Variants in CCNT2 observed in about 807,000 individuals in gnomAD.
The protein encoded by CCNT2 is cyclin-T2.
In CCNT2, 18 loss-of-function variants were observed where a neutral mutation model predicts 70.0. That is an observed-to-expected ratio of 0.26 (90% CI 0.18 to 0.38). The LOEUF (loss-of-function observed/expected upper bound fraction) is 0.38. Ranked by LOEUF, CCNT2 falls within the 10% of genes least tolerant of loss-of-function variation. The pLI, the probability that CCNT2 is intolerant of heterozygous loss-of-function variation, is 1.00. For synonymous variants in CCNT2, 334 were observed against 313.3 expected (o/e 1.07, Z -0.70); for missense variants, 734 against 890.2 (o/e 0.82, Z 2.23).
chr2:134,940,735 A>G (rs11686171), intron 4 of CCNT2, among the ~76,000 whole-genome samples: 1 of 152,150 alleles, frequency 6.6e-6, no homozygotes, highest in Non-Finnish European at 1.5e-5. Context: ...GCATATTTTT[A>G]CCGTATTTAG....
In CCNT2 at chr2:134,936,956, A is replaced by T; in HGVS notation, c.356A>T (p.Asp119Val). ...ACLHPLEPLLDTKCDAYLQQT... is the reference protein window; with the variant it reads ...ACLHPLEPLLVTKCDAYLQQT... ...CTTCATCCTCTAGAGCCACTGCTGG[A>T]TACTAAATGTGATGTATGTAAATAC... Residue 119 changes from aspartate (D) to valine (V), a missense_variant, in exon 3 of 9, where the codon GAT becomes GTT. Transcript: ENST00000264157. 1 of 1,605,554 alleles carries T rather than the reference A, an allele frequency of 6.2e-7. No individual in the cohort carries two copies. Among genetic ancestry groups the T allele is most frequent in the Non-Finnish European group, 8.5e-7 (1 of 1,175,236 alleles).
At chr2:134,951,549 TAAAA>T (rs1271165853) in intron 7 of CCNT2, among the ~76,000 whole-genome samples, 1 of 151,070 alleles carries the variant, frequency 6.6e-6, no homozygotes, top group Non-Finnish European at 1.5e-5. Flanking sequence ...TTTTCCCCTT[TAAAA>T]AAAAAGTCTG....
chr2:134,918,944 G>C lies in CCNT2; in HGVS notation c.90G>C (p.Ala30=). The C allele has an allele frequency of 6.2e-7, 1 of 1,614,024 alleles. No homozygotes were observed. The highest frequency in any genetic ancestry group is 8.5e-7 in the Non-Finnish European group (1 of 1,179,966). ...CGAGCCGCCGCTGCGGAGTGGAGGCGGATAAAGAGCTCTCGTGCCGCCAGC... is the reference window on the plus strand; with the variant it reads ...CGAGCCGCCGCTGCGGAGTGGAGGCCGATAAAGAGCTCTCGTGCCGCCAGC... ...NTPSRRCGVE[A]DKELSCRQQA... The change falls in exon 1 of 9, where the codon GCG becomes GCC. Residue 30 remains alanine, a synonymous_variant. Coordinates refer to ENST00000264157, the MANE Select transcript of CCNT2 (RefSeq NM_058241.3).
rs1423571854 is a variant in CCNT2, at chr2:134,955,818, AAAAG to A, written c.*1174_*1177del. Reference sequence around the variant, plus strand: ...TCTTTTATATTCTAACAATAAATAAAAAAGAAAAGATTACTGACTGTGCATTGTA... The same window carrying A: ...TCTTTTATATTCTAACAATAAATAAAAAAAGATTACTGACTGTGCATTGTA... On this transcript the variant is annotated 3_prime_UTR_variant, in exon 9 of 9. Transcript: ENST00000264157. 6.1e-5 allele frequency: 6 copies of A among 97,634 alleles called. No homozygotes were observed. Among genetic ancestry groups the A allele is most frequent in the African/African-American group, 1.9e-4 (6 of 30,930 alleles). The allele number at this position is 97,634 out of a possible 1,614,324, so 6.0% of individuals were successfully genotyped here. A position where few individuals can be genotyped will look rare whatever the true frequency, so the allele number is the denominator to read the frequency against.
chr2:134,946,264 T>C, intron 6 of CCNT2, 118 bp downstream of exon 6: 1 of 1,313,404 alleles, frequency 7.6e-7, no homozygotes, highest in South Asian at 1.3e-5. Context: ...CCATCTACTG[T>C]GGTGGTACCT....
At chr2:134,939,491 A>G (rs1681409664) in intron 4 of CCNT2, among the ~76,000 whole-genome samples, 1 of 151,898 alleles carries the variant, frequency 6.6e-6, no homozygotes, top group African/African-American at 2.4e-5. Flanking sequence ...TTTAAGACGG[A>G]GTCTCGCTCT....
Position 134,954,270 on chromosome 2 carries a change from G to A in CCNT2, c.1815G>A (p.Leu605=). 1 of 1,614,184 alleles carries A rather than the reference G, an allele frequency of 6.2e-7. No homozygotes were observed. Among genetic ancestry groups the A allele is most frequent in the African/African-American group, 1.3e-5 (1 of 75,050 alleles). ...PPTVLRSPVG[L]SSDGISSSSS... ...CTGTTCTGAGGAGTCCTGTTGGCCTGAGCAGTGATGGCATTTCCTCTAGCT... is the reference window on the plus strand; with the variant it reads ...CTGTTCTGAGGAGTCCTGTTGGCCTAAGCAGTGATGGCATTTCCTCTAGCT... The change falls in exon 9 of 9, where the codon CTG becomes CTA. Residue 605 remains leucine (L), a synonymous_variant. Coordinates refer to ENST00000264157, the MANE Select transcript of CCNT2 (RefSeq NM_058241.3).
In CCNT2 at chr2:134,939,489, G is replaced by A. The variant is rs568426987; in HGVS notation, c.430+427G>A. ...TTATTTATTTATTTATTTTTAAGAC[G>A]GAGTCTCGCTCTGTCGCCCAGGCTG... On this transcript the variant is annotated intron_variant, in intron 4 of 8. Transcript: ENST00000264157. Among the ~76,000 whole-genome samples, 21 of 151,182 alleles carry A rather than the reference G, an allele frequency of 1.4e-4. No individual in the cohort carries two copies. In the South Asian group the frequency reaches 1.5e-3, roughly 11 times the overall value.
intron 2 of CCNT2, among the ~76,000 whole-genome samples, chr2:134,929,636 A>AGAGAGAGAG (rs1419165195): frequency 5.4e-5 from 7 of 129,746 alleles, no homozygotes; most frequent in South Asian, 2.9e-4. Flanking sequence ...AGAGAGAGAG[A>AGAGAGAGAG]ACTAATAAAT....
chr2:134,954,962 AT>A lies in CCNT2; in HGVS notation c.*317del. The A allele has an allele frequency of 4.0e-6, 1 of 246,984 alleles. No individual in the cohort carries two copies. Among genetic ancestry groups the A allele is most frequent in the East Asian group, 8.1e-5 (1 of 12,328 alleles). The allele number at this position is 246,984 out of a possible 1,614,324, so 15.3% of individuals were successfully genotyped here. ...ATATAAGATGCCTCAAGCATTCATT[AT>A]TTATGATTTGAATACTGTAGCTATT... On this transcript the variant is annotated 3_prime_UTR_variant, in exon 9 of 9. Transcript: ENST00000264157.
intron 5 of CCNT2, 32 bp downstream of exon 5, chr2:134,942,706 A>G (rs770707387): frequency 1.3e-6 from 2 of 1,557,784 alleles, no homozygotes; most frequent in Non-Finnish European, 1.7e-6. Flanking sequence ...TAAGATAAGT[A>G]TTAATGCTTT....
Position 134,953,515 on chromosome 2 carries a change from C to T in CCNT2, c.1060C>T (p.His354Tyr), listed in dbSNP as rs1280397298. The T allele has an allele frequency of 2.5e-6, 4 of 1,614,198 alleles. No individual in the cohort carries two copies. The highest frequency in any genetic ancestry group is 3.4e-6 in the Non-Finnish European group (4 of 1,180,026). ...GLSSHQEWPQ[H>Y]QDSARTEQLY... is the part of the protein sequence containing the mutation. ...ATCATCACACCAGGAATGGCCTCAA[C>T]ATCAAGACTCAGCAAGGACAGAACA... Residue 354 changes from histidine (H) to tyrosine (Y), a missense_variant, in exon 9 of 9, where the codon CAT becomes TAT. Around this residue, in one of 3 missense-constraint regions of CCNT2, gnomAD observed 532 missense variants for 556.9 expected, o/e 0.96. Coordinates refer to ENST00000264157, the MANE Select transcript of CCNT2 (RefSeq NM_058241.3).
chr2:134,947,220 A>G (rs1682048314), intron 6 of CCNT2, among the ~76,000 whole-genome samples: 1 of 152,198 alleles, frequency 6.6e-6, no homozygotes, highest in African/African-American at 2.4e-5. Context: ...CAAGGCATAG[A>G]TTTACATAGA....
intron 3 of CCNT2, among the ~76,000 whole-genome samples, chr2:134,937,740 C>G: frequency 6.6e-6 from 1 of 152,082 alleles, no homozygotes; most frequent in Non-Finnish European, 1.5e-5. Flanking sequence ...TATGGAGAAA[C>G]CCCATCTCTA....
chr2:134,934,668 A>G (rs906262901), intron 2 of CCNT2, among the ~76,000 whole-genome samples: 4 of 152,240 alleles, frequency 2.6e-5, no homozygotes, highest in African/African-American at 7.2e-5. Context: ...AGAGAAGGAA[A>G]TGTGAATGGA....
intron 2 of CCNT2, among the ~76,000 whole-genome samples, chr2:134,921,649 C>T (rs1181718492): frequency 2.6e-5 from 4 of 152,200 alleles, no homozygotes; most frequent in Admixed American, 2.0e-4. Flanking sequence ...CCACCGTGCC[C>T]GGCCATCTTC....
chr2:134,935,983 GGT>G (rs1472103586), intron 2 of CCNT2, among the ~76,000 whole-genome samples: 1 of 151,832 alleles, frequency 6.6e-6, no homozygotes, highest in African/African-American at 2.4e-5. Flanking sequence ...TTGCCCTCTA[GGT>G]GGTTTTTCTG....
At chr2:134,923,387 A>C (rs1680057870) in intron 2 of CCNT2, among the ~76,000 whole-genome samples, 1 of 152,206 alleles carries the variant, frequency 6.6e-6, no homozygotes, top group African/African-American at 2.4e-5. Flanking sequence ...TCAAATCAGC[A>C]TATGTTTCAT....
At chr2:134,921,784 C>T (rs1054852142) in intron 2 of CCNT2, among the ~76,000 whole-genome samples, 1 of 152,214 alleles carries the variant, frequency 6.6e-6, no homozygotes, top group African/African-American at 2.4e-5. Flanking sequence ...CTAGCTTTCA[C>T]TATTTTACTT....
Sources: allele counts gnomAD v4.1 joint callset (sites outside exome capture counted in the v4.1 genomes callset), GRCh38; gene constraint gnomAD v4.1.1; regional missense constraint gnomAD v4.1.1; transcripts MANE v1.5; gene names NCBI Gene and HGNC (gene_info 2026-07-23, HGNC 2026-07-21).